Variants in ZFYVE28 observed in about 807,000 individuals in gnomAD.
The protein encoded by ZFYVE28 is zinc finger FYVE-type containing 28.
A neutral mutation model predicts 82.1 loss-of-function variants in ZFYVE28; 40 were observed. The observed-to-expected ratio is 0.49, with a 90% confidence interval of 0.38 to 0.63. The LOEUF is 0.63. Among genes scored for constraint, ZFYVE28 ranks in the 30% least tolerant of loss-of-function variants. The pLI is 0.00. For synonymous variants in ZFYVE28, 612 were observed against 546.1 expected, an observed-to-expected ratio of 1.12 and a Z score of -1.68; for missense variants, 1,321 against 1,242.1, an observed-to-expected ratio of 1.06 and a Z score of -0.96.
At chr4:2,301,365 G>T (rs1715492551) in intron 8 of ZFYVE28, among the ~76,000 whole-genome samples, 1 of 152,150 alleles carries the variant, frequency 6.6e-6, no homozygotes, top group Admixed American at 6.5e-5. Context: ...CACAGTGCTG[G>T]GCCCAGGCAC....
At chr4:2,330,344 C>T (rs1720470741) in intron 6 of ZFYVE28, 5 of 990,712 alleles carry the variant, frequency 5.0e-6, no homozygotes, top group East Asian at 2.2e-4. Flanking sequence ...CTTGGGTGAG[C>T]GGTGCAGTGG....
Position 2,379,720 on chromosome 4 carries a change from T to C in ZFYVE28, c.40-25647A>G, listed in dbSNP as rs371759966. 1.1e-4 allele frequency among the ~76,000 whole-genome samples: 16 copies of C among 152,300 alleles called. No homozygotes were observed. In the East Asian group the frequency reaches 2.5e-3, roughly 24 times the overall value. ...AAGTCCTTACTGATCATCTATCAAA[T>C]TTTTCTACAACATATATATCAATAT... On this transcript the variant is annotated intron_variant, in intron 1 of 12. Coordinates refer to ENST00000290974, the MANE Select transcript of ZFYVE28 (RefSeq NM_020972.3).
chr4:2,354,655 C>T (rs12500749), intron 1 of ZFYVE28, among the ~76,000 whole-genome samples: 9,060 of 151,928 alleles, frequency 0.06, 390 homozygotes, highest in East Asian at 0.14. Flanking sequence ...GACGGGGTTT[C>T]GCCATATTGG....
At chr4:2,325,957 G>C (rs543077638) in intron 6 of ZFYVE28, among the ~76,000 whole-genome samples, 1 of 151,970 alleles carries the variant, frequency 6.6e-6, no homozygotes, top group East Asian at 1.9e-4. Flanking sequence ...ATATATGTTG[G>C]ATATTAACCC....
intron 1 of ZFYVE28, among the ~76,000 whole-genome samples, chr4:2,368,976 C>G (rs1468294585): frequency 6.6e-6 from 1 of 152,230 alleles, no homozygotes; most frequent in East Asian, 1.9e-4. Flanking sequence ...TTCGCCAACA[C>G]TTGTTATTAT....
At chr4:2,387,248 C>T (rs1729367417) in intron 1 of ZFYVE28, among the ~76,000 whole-genome samples, 1 of 152,192 alleles carries the variant, frequency 6.6e-6, no homozygotes, top group Non-Finnish European at 1.5e-5. Context: ...CCTAGGGCTG[C>T]GTGGCTCTCC....
At chr4:2,358,771 T>C (rs1725702943) in intron 1 of ZFYVE28, among the ~76,000 whole-genome samples, 1 of 152,026 alleles carries the variant, frequency 6.6e-6, no homozygotes, top group Non-Finnish European at 1.5e-5. Context: ...ACTCAGAATG[T>C]CAGAATGTGA....
rs1391963349 is a variant in ZFYVE28 at position 2,270,663 on chromosome 4, C to T, written c.*62G>A. The T allele has an allele frequency of 4.0e-5, 64 of 1,605,118 alleles. No individual in the cohort carries two copies. Among genetic ancestry groups the T allele is most frequent in the South Asian group, 1.0e-4 (9 of 89,976 alleles). On this transcript the variant is annotated 3_prime_UTR_variant, in exon 13 of 13. Coordinates refer to ENST00000290974, the MANE Select transcript of ZFYVE28 (RefSeq NM_020972.3). ...GAGACGCAGTGAGACCTGCCTGCAG[C>T]GTGGCCCCACCTTCCTGGGGGTTCC...
chr4:2,333,156 C>CCCTCCCCAA (rs1388474291), intron 6 of ZFYVE28, among the ~76,000 whole-genome samples: 1 of 151,264 alleles, frequency 6.6e-6, no homozygotes, highest in Non-Finnish European at 1.5e-5. Context: ...GCTCCAGCCT[C>CCCTCCCCAA]CCTCCCCAAC....
chr4:2,339,074 C>T lies in ZFYVE28; in HGVS notation c.521+379G>A, dbSNP rs1300254422. 1.3e-5 allele frequency among the ~76,000 whole-genome samples: 2 copies of T among 152,154 alleles called. No individual in the cohort carries two copies. The highest frequency in any genetic ancestry group is 2.4e-5 in the African/African-American group (1 of 41,448). On this transcript the variant is annotated intron_variant, in intron 4 of 12. Coordinates refer to ENST00000290974, the MANE Select transcript of ZFYVE28 (RefSeq NM_020972.3). This position sits in a 1 kb window ranked among gnomAD's most constrained non-coding sequence, Gnocchi z 5.0. The stretch of plus-strand genomic sequence containing the variant: ...TGATCCGCCTGCCTCGGCCTCTCAA[C>T]GTGCTGGGATTACAGGCGTGAGCCA...
Position 2,417,149 on chromosome 4 carries a change from G to A in ZFYVE28, c.39+1136C>T, listed in dbSNP as rs1578447308. Among the ~76,000 whole-genome samples, 1 of 152,284 alleles carries A rather than the reference G, an allele frequency of 6.6e-6. No homozygotes were observed. The highest frequency in any genetic ancestry group is 1.5e-5 in the Non-Finnish European group (1 of 68,014). On this transcript the variant is annotated intron_variant, in intron 1 of 12. Coordinates refer to ENST00000290974, the MANE Select transcript of ZFYVE28 (RefSeq NM_020972.3). This position sits in a 1 kb window ranked among gnomAD's most constrained non-coding sequence, Gnocchi z 4.8. ...CAACGCGGTGGCCTCGGACGTCCGA[G>A]CTGCCCGGACGAAGCGCTGGCCCCA...
chr4:2,330,240 G>A (rs1651042416), intron 6 of ZFYVE28: 2 of 978,422 alleles, frequency 2.0e-6, no homozygotes, highest in Non-Finnish European at 1.2e-6. Flanking sequence ...ACTGTGCACT[G>A]TAGATGGGTG....
chr4:2,269,957 A>G lies in ZFYVE28; in HGVS notation c.*768T>C, dbSNP rs908329905. 4.6e-5 allele frequency: 7 copies of G among 152,274 alleles called. No individual in the cohort carries two copies. The highest frequency in any genetic ancestry group is 1.7e-4 in the African/African-American group (7 of 41,396). The allele number at this position is 152,274 out of a possible 1,614,324, so 9.4% of individuals were successfully genotyped here. ...CAGAGGGAAGGGGAAGTGGTAGCTG[A>G]GCTGGTGGCCCCGGGCGTCCTGGCT... On this transcript the variant is annotated 3_prime_UTR_variant, in exon 13 of 13. Transcript: ENST00000290974.
intron 1 of ZFYVE28, among the ~76,000 whole-genome samples, chr4:2,403,400 G>A (rs1277842379): frequency 2.6e-5 from 4 of 152,262 alleles, no homozygotes; most frequent in East Asian, 1.9e-4. Flanking sequence ...CACGCAATAT[G>A]AGCCTTCCAG....
intron 1 of ZFYVE28, among the ~76,000 whole-genome samples, chr4:2,384,459 G>A (rs1729043400): frequency 6.6e-6 from 1 of 152,204 alleles, no homozygotes; most frequent in Non-Finnish European, 1.5e-5. Context: ...GACCACTGGA[G>A]GGGGCACAGG....
intron 8 of ZFYVE28, among the ~76,000 whole-genome samples, chr4:2,282,540 AG>A (rs755658607): frequency 5.3e-5 from 8 of 152,254 alleles, no homozygotes; most frequent in Non-Finnish European, 1.0e-4. Context: ...AGAGCAGAAG[AG>A]GGAAGTTTAC....
chr4:2,400,071 G>A (rs1044795787), intron 1 of ZFYVE28, among the ~76,000 whole-genome samples: 5 of 152,202 alleles, frequency 3.3e-5, no homozygotes, highest in Non-Finnish European at 7.4e-5. Flanking sequence ...GTCCTTCCCC[G>A]GAGCTCCTCA....
In ZFYVE28 at chr4:2,305,168, C is replaced by G. The variant is rs551511249; in HGVS notation, c.1172G>C (p.Arg391Pro). 6 of 1,592,582 alleles carry G rather than the reference C, an allele frequency of 3.8e-6. No homozygotes were observed. Among genetic ancestry groups the G allele is most frequent in the Non-Finnish European group, 5.1e-6 (6 of 1,166,996 alleles). The change falls in exon 8 of 13, where the codon CGG becomes CCG. Residue 391 changes from arginine (R) to proline (P), a missense_variant. Around this residue, in one of 2 missense-constraint regions of ZFYVE28, gnomAD observed 978 missense variants for 833.7 expected, o/e 1.17. Transcript: ENST00000290974. ...GEASPGRPRLRSGSDEEERVF... is the reference protein window; with the variant it reads ...GEASPGRPRLPSGSDEEERVF... The stretch of plus-strand genomic sequence containing the variant: ...GCGCTCCTCCTCGTCACTGCCTGAC[C>G]GCAGGCGCGGTCTACCTGGAGAGGC...
Position 2,305,012 on chromosome 4 carries a change from C to T in ZFYVE28, c.1328G>A (p.Gly443Glu), listed in dbSNP as rs553390216. 9.3e-6 allele frequency: 15 copies of T among 1,612,690 alleles called. No homozygotes were observed. Among genetic ancestry groups the T allele is most frequent in the Non-Finnish European group, 1.1e-5 (13 of 1,179,918 alleles). The change falls in exon 8 of 13, where the codon GGA becomes GAA. Residue 443 changes from glycine (G) to glutamate (E), a missense_variant. This residue lies in a region of ZFYVE28 where 978 missense variants were observed against 833.7 expected (regional missense o/e 1.17). Transcript: ENST00000290974. ...PQEKGQGGPG[G>E]AAGISLPASE... Reference sequence around the variant, plus strand: ...GGCGGGCAAGCTGATCCCCGCCGCTCCGCCTGGCCCACCCTGCCCTTTCTC... The same window carrying T: ...GGCGGGCAAGCTGATCCCCGCCGCTTCGCCTGGCCCACCCTGCCCTTTCTC...
Sources: allele counts gnomAD v4.1 joint callset (sites outside exome capture counted in the v4.1 genomes callset), GRCh38; gene constraint gnomAD v4.1.1; regional missense constraint gnomAD v4.1.1; non-coding constraint Gnocchi (gnomAD v3.1); transcripts MANE v1.5; gene names NCBI Gene and HGNC (gene_info 2026-07-23, HGNC 2026-07-21).